The following ZBTB26 variants were observed in gnomAD, a reference collection of about 807,000 sequenced individuals.
ZBTB26 encodes zinc finger and BTB domain-containing protein 26.
Under a neutral mutation model 31.6 loss-of-function variants are expected in ZBTB26, and 12 were observed. The ratio of observed to expected loss-of-function variants is 0.38; its 90% confidence interval spans 0.24 to 0.61. The LOEUF (loss-of-function observed/expected upper bound fraction) is 0.61. Ranked by LOEUF, ZBTB26 falls within the 20% of genes least tolerant of loss-of-function variation. The pLI, the probability that ZBTB26 is intolerant of heterozygous loss-of-function variation, is 0.60. For synonymous variants in ZBTB26, 155 were observed against 182.9 expected, an observed-to-expected ratio of 0.85 and a Z score of 1.23; for missense variants, 311 against 521.9, an observed-to-expected ratio of 0.60 and a Z score of 3.94.
At chr9:122,924,490 A>C (rs1050606332) in intron 1 of ZBTB26, among the ~76,000 whole-genome samples, 9 of 152,204 alleles carry the variant, frequency 5.9e-5, no homozygotes, top group African/African-American at 9.7e-5. Context: ...TTCCCCCATG[A>C]AATTATTACT....
chr9:122,922,202 C>T (rs369491265), intron 1 of ZBTB26, among the ~76,000 whole-genome samples: 27 of 152,186 alleles, frequency 1.8e-4, no homozygotes, highest in African/African-American at 5.1e-4. Flanking sequence ...TGTGCCATTG[C>T]ACTCCAGCCT....
Position 122,918,453 on chromosome 9 carries a change from C to T in ZBTB26, c.*156G>A. ...GGGCAAAAGTAAGGCAAATCCACTC[C>T]AAGTGGTAAGTTGCCTGGTCTATTA... On this transcript the variant is annotated 3_prime_UTR_variant, in exon 2 of 2. Coordinates refer to ENST00000373656, the MANE Select transcript of ZBTB26 (RefSeq NM_020924.4). The T allele has an allele frequency of 8.9e-7, 1 of 1,121,994 alleles. No homozygotes were observed. The highest frequency in any genetic ancestry group is 1.2e-6 in the Non-Finnish European group (1 of 809,272). The allele number at this position is 1,121,994 out of a possible 1,614,324, so 69.5% of individuals were successfully genotyped here.
In ZBTB26 at chr9:122,917,304, T is replaced by TC. The variant is rs1393604928; in HGVS notation, c.*1304dup. 1 of 152,202 alleles carries TC rather than the reference T, an allele frequency of 6.6e-6. No individual in the cohort carries two copies. Among genetic ancestry groups the TC allele is most frequent in the East Asian group, 1.9e-4 (1 of 5,196 alleles). The allele number at this position is 152,202 out of a possible 1,614,324, so 9.4% of individuals were successfully genotyped here. A position where few individuals can be genotyped will look rare whatever the true frequency, so the allele number is the denominator to read the frequency against. ...CTTGGTCAATATTGGCCAGGCCACC[T>TC]CTTCAGGCTTTGGATACCCCAATTT... On this transcript the variant is annotated 3_prime_UTR_variant, in exon 2 of 2. Coordinates refer to ENST00000373656, the MANE Select transcript of ZBTB26 (RefSeq NM_020924.4).
chr9:122,930,532 G>T (rs555400169), intron 1 of ZBTB26, among the ~76,000 whole-genome samples: 1 of 152,262 alleles, frequency 6.6e-6, no homozygotes, highest in South Asian at 2.1e-4. Context: ...TTCTCTATGG[G>T]CTTTCTACAG....
At chr9:122,920,845 T>G (rs1833086626) in intron 1 of ZBTB26, among the ~76,000 whole-genome samples, 1 of 152,234 alleles carries the variant, frequency 6.6e-6, no homozygotes, top group Non-Finnish European at 1.5e-5. Flanking sequence ...TTATCAATCA[T>G]TAGTCATTAT....
intron 1 of ZBTB26, among the ~76,000 whole-genome samples, chr9:122,928,599 T>C (rs1833220056): frequency 6.6e-6 from 1 of 152,242 alleles, no homozygotes; most frequent in Non-Finnish European, 1.5e-5. Flanking sequence ...AAGTATCTCT[T>C]TCAAAGCTAA....
At chr9:122,922,725 C>T (rs1485699029) in intron 1 of ZBTB26, among the ~76,000 whole-genome samples, 1 of 152,106 alleles carries the variant, frequency 6.6e-6, no homozygotes, top group African/African-American at 2.4e-5. Context: ...AGAAGCATTG[C>T]AGGTCTGAGG....
At chr9:122,920,029 G>C (rs570268511) in intron 1 of ZBTB26, 85 bp from the exon 2 acceptor site, 3 of 1,411,120 alleles carry the variant, frequency 2.1e-6, no homozygotes, top group African/African-American at 2.9e-5. Context: ...AAACAAATCT[G>C]TGTTGTCATA....
At chr9:122,920,344 A>G (rs1190383317) in intron 1 of ZBTB26, among the ~76,000 whole-genome samples, 1 of 152,206 alleles carries the variant, frequency 6.6e-6, no homozygotes, top group African/African-American at 2.4e-5. Flanking sequence ...ATTTTATATA[A>G]AACTGTGAAC....
chr9:122,918,645 G>T lies in ZBTB26; in HGVS notation c.1290C>A (p.Val430=). ...VLDAGKLAQA[V]LNLRNDSTCV... Reference sequence around the variant, plus strand: ...AAGTACTATCATTTCTTAAGTTCAGGACAGCTTGGGCCAGTTTACCTGCAT... The same window carrying T: ...AAGTACTATCATTTCTTAAGTTCAGTACAGCTTGGGCCAGTTTACCTGCAT... Residue 430 remains valine (V), a synonymous_variant, in exon 2 of 2, where the codon GTC becomes GTA. Transcript: ENST00000373656. 1 of 1,614,018 alleles carries T rather than the reference G, an allele frequency of 6.2e-7. No homozygotes were observed. Among genetic ancestry groups the T allele is most frequent in the Non-Finnish European group, 8.5e-7 (1 of 1,179,968 alleles).
At position 122,917,630 on chromosome 9, in the gene ZBTB26, A is replaced by G. The variant is rs765178082; in HGVS notation, c.*979T>C. 1 of 152,162 alleles carries G rather than the reference A, an allele frequency of 6.6e-6. No homozygotes were observed. The highest frequency in any genetic ancestry group is 1.5e-5 in the Non-Finnish European group (1 of 67,994). 9.4% of individuals were successfully genotyped at this position (152,162 alleles called of 1,614,324 possible). ...TATCATCCGTTTTAGAAATTAAGGT[A>G]CATGAGGAAACGAAAATTCAGAGAC... On this transcript the variant is annotated 3_prime_UTR_variant, in exon 2 of 2. Coordinates refer to ENST00000373656, the MANE Select transcript of ZBTB26 (RefSeq NM_020924.4).
chr9:122,923,531 T>A (rs1833133246), intron 1 of ZBTB26, among the ~76,000 whole-genome samples: 1 of 152,214 alleles, frequency 6.6e-6, no homozygotes, highest in South Asian at 2.1e-4. Context: ...AAAATACTCA[T>A]TTTGGATTTG....
intron 1 of ZBTB26, among the ~76,000 whole-genome samples, chr9:122,929,761 C>G (rs1187085735): frequency 6.6e-6 from 1 of 152,120 alleles, no homozygotes; most frequent in Non-Finnish European, 1.5e-5. Context: ...AGAGTATCAC[C>G]TCATCACTGT....
chr9:122,922,931 C>T (rs2131538152), intron 1 of ZBTB26, among the ~76,000 whole-genome samples: 1 of 152,212 alleles, frequency 6.6e-6, no homozygotes, highest in South Asian at 2.1e-4. Context: ...TGGCTCACAC[C>T]TGTGAGCACT....
At chr9:122,930,176 G>A (rs1833248949) in intron 1 of ZBTB26, among the ~76,000 whole-genome samples, 1 of 152,072 alleles carries the variant, frequency 6.6e-6, no homozygotes, top group Non-Finnish European at 1.5e-5. Context: ...AGCTCTATGT[G>A]TCTGTCTCAT....
At chr9:122,926,329 C>T (rs895384199) in intron 1 of ZBTB26, among the ~76,000 whole-genome samples, 4 of 151,652 alleles carry the variant, frequency 2.6e-5, no homozygotes, top group Non-Finnish European at 4.4e-5. Context: ...GGTGAAACCC[C>T]GTGTCTACTA....
intron 1 of ZBTB26, among the ~76,000 whole-genome samples, chr9:122,921,369 G>C (rs3739835): frequency 0.083 from 12,580 of 152,226 alleles, 1,660 homozygotes; most frequent in East Asian, 0.61. Context: ...GTCTGTCTTT[G>C]AGATATAGCT....
chr9:122,915,579 C>A lies in ZBTB26; in HGVS notation c.*3030G>T, dbSNP rs1355051618. 6.6e-6 allele frequency: 1 copy of A among 152,150 alleles called. No individual in the cohort carries two copies. Among genetic ancestry groups the A allele is most frequent in the Non-Finnish European group, 1.5e-5 (1 of 68,026 alleles). 9.4% of individuals were successfully genotyped at this position (152,150 alleles called of 1,614,324 possible). A position where few individuals can be genotyped will look rare whatever the true frequency, so the allele number is the denominator to read the frequency against. On this transcript the variant is annotated 3_prime_UTR_variant, in exon 2 of 2. Coordinates refer to ENST00000373656, the MANE Select transcript of ZBTB26 (RefSeq NM_020924.4). ...TGACACCAGAGCTTTAATCGTCACA[C>A]TTTTATTAAGGAAACTTCCCCATAA...
intron 1 of ZBTB26, among the ~76,000 whole-genome samples, chr9:122,922,672 G>C (rs1833117807): frequency 6.6e-6 from 1 of 152,182 alleles, no homozygotes; most frequent in African/African-American, 2.4e-5. Context: ...GTTTGACAGT[G>C]GTAAGGAAGA....
Sources: allele counts gnomAD v4.1 joint callset (sites outside exome capture counted in the v4.1 genomes callset), GRCh38; gene constraint gnomAD v4.1.1; transcripts MANE v1.5; gene names NCBI Gene and HGNC (gene_info 2026-07-23, HGNC 2026-07-21).